Variants in BABAM2 observed in about 807,000 individuals in gnomAD.
BABAM2 encodes BRISC and BRCA1-A complex member 2.
A neutral mutation model predicts 54.7 loss-of-function variants in BABAM2; 31 were observed. The ratio of observed to expected loss-of-function variants is 0.57; its 90% CI spans 0.43 to 0.77. BABAM2 has a LOEUF of 0.77. Among genes scored for constraint, BABAM2 ranks in the 30% least tolerant of loss-of-function variants. The probability of loss-of-function intolerance (pLI) is 0.00; values close to 1 mark genes in which losing one functional copy is unlikely to be tolerated. For synonymous variants in BABAM2, 167 were observed against 162.9 expected, an observed-to-expected ratio of 1.03 and a Z score of -0.19; for missense variants, 364 against 455.8, an observed-to-expected ratio of 0.80 and a Z score of 1.83.
chr2:27,949,337 A>G (rs894462081), intron 3 of BABAM2, among the ~76,000 whole-genome samples: 1 of 152,210 alleles, frequency 6.6e-6, no homozygotes, highest in Non-Finnish European at 1.5e-5. Context: ...GTTTGAGACC[A>G]GGCTGGCCAA....
chr2:28,089,210 A>C (rs1023318267), intron 6 of BABAM2, among the ~76,000 whole-genome samples: 4 of 152,176 alleles, frequency 2.6e-5, no homozygotes, highest in African/African-American at 9.7e-5. Context: ...TGTTTACATA[A>C]GGCTGGGATG....
chr2:28,107,898 T>A (rs1318281830), intron 6 of BABAM2, among the ~76,000 whole-genome samples: 3 of 152,166 alleles, frequency 2.0e-5, no homozygotes, highest in Non-Finnish European at 2.9e-5. Flanking sequence ...CCCAAACTTA[T>A]ACTCAGTATA....
intron 2 of BABAM2, among the ~76,000 whole-genome samples, chr2:27,912,388 G>A (rs1481521887): frequency 6.6e-6 from 1 of 152,072 alleles, no homozygotes; most frequent in Non-Finnish European, 1.5e-5. Flanking sequence ...AATTTTTAAA[G>A]AATAGTATTT....
At chr2:27,921,518 TAAG>T (rs1404645170) in intron 2 of BABAM2, among the ~76,000 whole-genome samples, 1 of 152,164 alleles carries the variant, frequency 6.6e-6, no homozygotes, top group Non-Finnish European at 1.5e-5. Context: ...ATGTAGTAAT[TAAG>T]AAAGTGGGCC....
At chr2:28,292,148 G>A (rs986352200) in intron 10 of BABAM2, among the ~76,000 whole-genome samples, 3 of 152,146 alleles carry the variant, frequency 2.0e-5, no homozygotes, top group African/African-American at 7.2e-5. Flanking sequence ...CCCAAGATAT[G>A]GGGGAAAGCG....
rs1421146043 is a variant in BABAM2 at position 28,111,000 on chromosome 2, G to T, written c.571-18271G>T. The stretch of plus-strand genomic sequence containing the variant: ...TTTTTTTTTTTTGAGATGGAATCTC[G>T]CTTTGTCACCCAGGCTGGAGTGCAG... On this transcript the variant is annotated intron_variant, in intron 6 of 11. Coordinates refer to ENST00000379624, the MANE Select transcript of BABAM2 (RefSeq NM_199191.3). Among the ~76,000 whole-genome samples the T allele has an allele frequency of 8.1e-4, 113 of 140,162 alleles. 2 individuals carry two copies. The highest frequency in any genetic ancestry group is 1.2e-3 in the Non-Finnish European group (80 of 66,062). The allele number at this position is 140,162 out of a possible 152,430, so 92.0% of individuals were successfully genotyped here. A position where few individuals can be genotyped will look rare whatever the true frequency, so the allele number is the denominator to read the frequency against.
At chr2:28,231,838 C>A (rs1681428655) in intron 7 of BABAM2, among the ~76,000 whole-genome samples, 1 of 117,222 alleles carries the variant, frequency 8.5e-6, no homozygotes, top group Non-Finnish European at 1.6e-5. Flanking sequence ...GACAGAGTCC[C>A]AATCAGTCAC....
intron 2 of BABAM2, among the ~76,000 whole-genome samples, chr2:27,928,487 G>A (rs10185472): frequency 0.71 from 106,941 of 151,582 alleles, 38,625 homozygotes; most frequent in Middle Eastern, 0.83. Flanking sequence ...TCGTTTTGGG[G>A]AAAAGTAATA....
intron 7 of BABAM2, 42 bp from the exon 8 acceptor site, chr2:28,237,160 T>G: frequency 1.0e-5 from 16 of 1,552,778 alleles, no homozygotes; most frequent in Non-Finnish European, 1.3e-5. Flanking sequence ...TTAAGTTGCT[T>G]GAGCCCTAAG....
intron 3 of BABAM2, among the ~76,000 whole-genome samples, chr2:27,954,657 C>T (rs1367997327): frequency 6.6e-6 from 1 of 152,106 alleles, no homozygotes; most frequent in African/African-American, 2.4e-5. Context: ...TTTCTTGGAG[C>T]ATGAACTGGA....
intron 5 of BABAM2, among the ~76,000 whole-genome samples, chr2:28,044,445 G>T (rs542572585): frequency 6.6e-6 from 1 of 152,138 alleles, no homozygotes; most frequent in Admixed American, 6.5e-5. Context: ...TGGCCAGGCT[G>T]GTCTCGATGT....
Position 28,025,271 on chromosome 2 carries a change from G to A in BABAM2, c.346G>A (p.Val116Met), listed in dbSNP as rs758377921. 6.2e-7 allele frequency: 1 copy of A among 1,608,340 alleles called. No individual in the cohort carries two copies. The highest frequency in any genetic ancestry group is 1.7e-5 in the Admixed American group (1 of 58,390). The change falls in exon 5 of 12, where the codon GTG (valine) becomes ATG (methionine). Residue 116 changes from valine (V) to methionine (M), a missense_variant. Coordinates refer to ENST00000379624, the MANE Select transcript of BABAM2 (RefSeq NM_199191.3). ...NPSNPECLLLVVKELVQQYHQ... is the reference protein window; with the variant it reads ...NPSNPECLLLMVKELVQQYHQ... ...TTCAAATCCTGAATGTCTCTTACTT[G>A]TGGTGAAGGAACTTGTGCAACAATA...
intron 11 of BABAM2, among the ~76,000 whole-genome samples, chr2:28,300,066 G>A (rs775454735): frequency 3.9e-5 from 6 of 152,170 alleles, no homozygotes; most frequent in Admixed American, 6.5e-5. Context: ...AGCCTTCTGA[G>A]TAGCTGGGAC....
intron 7 of BABAM2, among the ~76,000 whole-genome samples, chr2:28,212,627 G>T (rs1203227689): frequency 2.0e-5 from 3 of 152,106 alleles, no homozygotes; most frequent in African/African-American, 7.2e-5. Flanking sequence ...AGAGTCACTT[G>T]ATAAGTATAT....
intron 10 of BABAM2, among the ~76,000 whole-genome samples, chr2:28,273,229 C>G (rs1010004492): frequency 2.0e-5 from 3 of 152,208 alleles, no homozygotes; most frequent in African/African-American, 7.2e-5. Flanking sequence ...TCCTTCTTAA[C>G]CACTTAGGTA....
intron 2 of BABAM2, among the ~76,000 whole-genome samples, chr2:27,897,943 C>T (rs1310912175): frequency 1.3e-5 from 2 of 152,156 alleles, no homozygotes; most frequent in East Asian, 3.8e-4. Context: ...TTTTGGCCTG[C>T]AGAAAGTAGA....
intron 3 of BABAM2, among the ~76,000 whole-genome samples, chr2:27,961,598 A>G (rs994399792): frequency 5.3e-5 from 8 of 152,082 alleles, no homozygotes; most frequent in African/African-American, 1.9e-4. Context: ...AGGTAACCCC[A>G]TTGTAAGTTG....
chr2:28,318,123 G>C (rs940464238), intron 11 of BABAM2, among the ~76,000 whole-genome samples: 1 of 152,176 alleles, frequency 6.6e-6, no homozygotes, highest in East Asian at 1.9e-4. Context: ...CCCTGAGGCC[G>C]GCAGTAGTAT....
intron 7 of BABAM2, among the ~76,000 whole-genome samples, chr2:28,150,804 T>A (rs1366534372): frequency 6.6e-6 from 1 of 152,224 alleles, no homozygotes; most frequent in Non-Finnish European, 1.5e-5. Flanking sequence ...ATTCCTCCAC[T>A]TGTAAAACAT....
Sources: gnomAD v4.1 joint callset for allele counts (sites outside exome capture counted in the v4.1 genomes callset) on GRCh38, gnomAD v4.1.1 for gene constraint, MANE v1.5 for transcripts, NCBI Gene and HGNC (gene_info 2026-07-23, HGNC 2026-07-21) for gene names.